Variants in CSTF3 observed in about 807,000 individuals in gnomAD.
CSTF3 encodes CF-1 77 kDa subunit.
CSTF3 carries 29 observed loss-of-function variants against 105.8 expected under a neutral mutation model. That is an observed-to-expected ratio of 0.27 (90% CI 0.20 to 0.37). The LOEUF (loss-of-function observed/expected upper bound fraction) is 0.37, where lower values mean the gene tolerates loss of function less well. CSTF3 is among the 10% of genes least tolerant of loss of function. The pLI, the probability that CSTF3 is intolerant of heterozygous loss-of-function variation, is 1.00. For missense variants in CSTF3, 357 were observed against 879.3 expected (o/e 0.41, Z 7.51); for synonymous variants, 252 against 281.9 (o/e 0.89, Z 1.06).
chr11:33,157,309 C>G (rs944170633), intron 1 of CSTF3, among the ~76,000 whole-genome samples: 4 of 151,960 alleles, frequency 2.6e-5, no homozygotes, highest in Non-Finnish European at 5.9e-5. Context: ...GAGCCGAGAC[C>G]GTGCCACTGC....
At chr11:33,142,406 C>T (rs112725672) in intron 1 of CSTF3, among the ~76,000 whole-genome samples, 24 of 152,168 alleles carry the variant, frequency 1.6e-4, no homozygotes, top group African/African-American at 5.5e-4. Flanking sequence ...ATAAGAGACA[C>T]GAGCACACAT....
intron 3 of CSTF3, among the ~76,000 whole-genome samples, chr11:33,133,343 TCCC>T (rs1416160670): frequency 6.6e-6 from 1 of 152,168 alleles, no homozygotes; most frequent in Non-Finnish European, 1.5e-5. Flanking sequence ...TCAAATTATC[TCCC>T]CATTATTTTT....
chr11:33,096,531 T>G, intron 14 of CSTF3, 123 bp from the exon 15 acceptor site: 1 of 705,150 alleles, frequency 1.4e-6, no homozygotes, highest in Non-Finnish European at 2.3e-6. Flanking sequence ...ATTAAAATCA[T>G]GTTAAGTAAA....
intron 3 of CSTF3, 43 bp from the exon 4 acceptor site, chr11:33,108,461 A>T: frequency 7.2e-7 from 1 of 1,381,550 alleles, no homozygotes; most frequent in Non-Finnish European, 9.6e-7. Context: ...CTATTTTTTT[A>T]GAGCATCAGT....
In CSTF3 at chr11:33,107,962, A is replaced by T; in HGVS notation, c.297T>A (p.Asp99Glu). 6.2e-7 allele frequency: 1 copy of T among 1,611,620 alleles called. No homozygotes were observed. Among genetic ancestry groups the T allele is most frequent in the Non-Finnish European group, 8.5e-7 (1 of 1,178,926 alleles). ...CATATGAAAGATAACACTTCCATAA[A>T]TCAATGTGCAAAACCTTCATAAGGC... ...QRCLMKVLHI[D>E]LWKCYLSYVR... Residue 99 changes from aspartate to glutamate, a missense_variant, in exon 5 of 21, where the codon GAT (aspartate) becomes GAA (glutamate). Physicochemically the swap from Asp to Glu is conservative, Grantham distance 45 (BLOSUM62 2). This residue lies in a region of CSTF3 where 78 missense variants were observed against 180.4 expected (regional missense o/e 0.43). Transcript: ENST00000323959.
intron 3 of CSTF3, among the ~76,000 whole-genome samples, chr11:33,117,541 A>C (rs1855442018): frequency 1.3e-5 from 2 of 151,980 alleles, no homozygotes; most frequent in Non-Finnish European, 2.9e-5. Context: ...CATAAACAGC[A>C]CTCAGGTAAA....
intron 8 of CSTF3, among the ~76,000 whole-genome samples, chr11:33,103,760 ACT>A (rs1203063250): frequency 6.6e-6 from 1 of 151,416 alleles, no homozygotes; most frequent in Non-Finnish European, 1.5e-5. Context: ...ACAGAGCGAG[ACT>A]CTGTCTCAAA....
At chr11:33,161,187 C>T (rs1345702751) in intron 1 of CSTF3, 112 bp downstream of exon 1, 1 of 1,135,138 alleles carries the variant, frequency 8.8e-7, no homozygotes, top group South Asian at 1.3e-5. Flanking sequence ...TATACCCTGT[C>T]CCCCGGGTTC....
intron 3 of CSTF3, among the ~76,000 whole-genome samples, chr11:33,113,052 A>G (rs563638184): frequency 2.4e-4 from 37 of 152,000 alleles, no homozygotes; most frequent in African/African-American, 7.0e-4. Flanking sequence ...TACTAAAAAT[A>G]TAAAATTAGC....
chr11:33,103,749 G>A (rs1474919822), intron 8 of CSTF3, among the ~76,000 whole-genome samples: 2 of 152,130 alleles, frequency 1.3e-5, no homozygotes, highest in African/African-American at 4.8e-5. Context: ...CAGCCTGGGC[G>A]ACAGAGCGAG....
intron 16 of CSTF3, among the ~76,000 whole-genome samples, chr11:33,091,775 C>T (rs1855171530): frequency 6.6e-6 from 1 of 152,090 alleles, no homozygotes. Flanking sequence ...GAGGTGTGAT[C>T]ACAGCTCACT....
At chr11:33,114,624 G>A (rs997580026) in intron 3 of CSTF3, among the ~76,000 whole-genome samples, 16 of 152,128 alleles carry the variant, frequency 1.1e-4, no homozygotes, top group South Asian at 2.1e-4. Context: ...GCCGAGGCGG[G>A]TGGATCACCT....
At chr11:33,090,943 C>CTTAT (rs1192853748) in intron 16 of CSTF3, among the ~76,000 whole-genome samples, 1 of 152,126 alleles carries the variant, frequency 6.6e-6, no homozygotes, top group Non-Finnish European at 1.5e-5. Flanking sequence ...TTTGCTTCAT[C>CTTAT]TTATTTTTGC....
chr11:33,086,146 C>CAG (rs10631653), intron 18 of CSTF3, among the ~76,000 whole-genome samples, 157 bp from the exon 19 acceptor site: 111,122 of 152,002 alleles, frequency 0.73, 40,904 homozygotes, highest in African/African-American at 0.81. Context: ...GTGGGTGAGA[C>CAG]AGCAGTCTCA....
chr11:33,122,432 AAAT>A (rs1199185943), intron 3 of CSTF3, among the ~76,000 whole-genome samples: 2 of 152,152 alleles, frequency 1.3e-5, no homozygotes, highest in East Asian at 3.8e-4. Flanking sequence ...TTCAGGAAAA[AAAT>A]ATATATGTAC....
chr11:33,089,805 A>C (rs1463665552), intron 17 of CSTF3, among the ~76,000 whole-genome samples: 1 of 152,250 alleles, frequency 6.6e-6, no homozygotes, highest in Non-Finnish European at 1.5e-5. Context: ...GAGATCAACC[A>C]AGGACTTCTC....
intron 1 of CSTF3, among the ~76,000 whole-genome samples, chr11:33,150,049 C>CAAA (rs897531386): frequency 8.7e-5 from 13 of 149,360 alleles, no homozygotes; most frequent in Middle Eastern, 3.4e-3. Context: ...ACAACAACAA[C>CAAA]AACAACAAAA....
chr11:33,142,639 A>G (rs1855727365), intron 1 of CSTF3, among the ~76,000 whole-genome samples: 1 of 152,206 alleles, frequency 6.6e-6, no homozygotes, highest in African/African-American at 2.4e-5. Flanking sequence ...AAGAACCACA[A>G]AGAGCTTTTA....
intron 1 of CSTF3, among the ~76,000 whole-genome samples, chr11:33,149,317 C>G (rs1855827418): frequency 2.0e-5 from 3 of 152,198 alleles, no homozygotes; most frequent in Non-Finnish European, 2.9e-5. Context: ...AATTCTCAAT[C>G]AACCGCATTA....
Sources: allele counts gnomAD v4.1 joint callset (sites outside exome capture counted in the v4.1 genomes callset), GRCh38; gene constraint gnomAD v4.1.1; regional missense constraint gnomAD v4.1.1; transcripts MANE v1.5; gene names NCBI Gene and HGNC (gene_info 2026-07-23, HGNC 2026-07-21).